STK32B: variants seen among roughly 807,000 people sequenced by gnomAD.
STK32B encodes serine/threonine kinase 32B, also known as serine/threonine-protein kinase 32B.
A neutral mutation model predicts 52.6 loss-of-function variants in STK32B; 43 were observed. That is an observed-to-expected ratio of 0.82 (90% CI 0.64 to 1.05). The LOEUF is 1.05. Ranked by LOEUF, STK32B falls within the 50% of genes least tolerant of loss-of-function variation. STK32B has a pLI of 0.00. For missense variants in STK32B, 621 were observed against 534.6 expected, an observed-to-expected ratio of 1.16 and a Z score of -1.59; for synonymous variants, 238 against 204.3, an observed-to-expected ratio of 1.17 and a Z score of -1.41.
chr4:5,051,600 T>G lies in STK32B; in HGVS notation c.-264T>G. On this transcript the variant is annotated 5_prime_UTR_variant, in exon 1 of 12. Coordinates refer to ENST00000282908, the MANE Select transcript of STK32B (RefSeq NM_018401.3). ...CCGGGTTCCCGGGCGGGCACTGGAG[T>G]AAGGAGCTGCGAGCGCAGCCCGAGG... 1 of 470,434 alleles carries G rather than the reference T, an allele frequency of 2.1e-6. No homozygotes were observed. The highest frequency in any genetic ancestry group is 3.7e-6 in the Non-Finnish European group (1 of 269,496). The allele number at this position is 470,434 out of a possible 1,614,324, so 29.1% of individuals were successfully genotyped here. A position where few individuals can be genotyped will look rare whatever the true frequency, so the allele number is the denominator to read the frequency against.
chr4:5,199,384 C>T (rs12505976), intron 3 of STK32B, among the ~76,000 whole-genome samples: 20,919 of 152,028 alleles, frequency 0.14, 2,704 homozygotes, highest in African/African-American at 0.33. Flanking sequence ...ATCTTTGTTG[C>T]TATGTGACCA....
chr4:5,410,598 G>A (rs1406082081), intron 5 of STK32B, among the ~76,000 whole-genome samples: 2 of 152,142 alleles, frequency 1.3e-5, no homozygotes, highest in Non-Finnish European at 2.9e-5. Flanking sequence ...GGTCTTGGAG[G>A]TCCCAGTAAG....
At chr4:5,210,336 T>G (rs1340883164) in intron 3 of STK32B, among the ~76,000 whole-genome samples, 1 of 151,992 alleles carries the variant, frequency 6.6e-6, no homozygotes, top group Non-Finnish European at 1.5e-5. Flanking sequence ...CCCTTCCCCA[T>G]CTCCTCGGGC....
the STK32B span, among the ~76,000 whole-genome samples, chr4:5,036,501 G>A: frequency 6.6e-6 from 1 of 152,070 alleles, no homozygotes; most frequent in African/African-American, 2.4e-5. Context: ...AGTCATCAAG[G>A]AGGCCTGAGA....
chr4:5,497,119 C>G (rs1181298987), intron 11 of STK32B, among the ~76,000 whole-genome samples: 1 of 152,114 alleles, frequency 6.6e-6, no homozygotes, highest in South Asian at 2.1e-4. Context: ...ATTTTATAGT[C>G]ATGGTATTTT....
chr4:5,368,775 C>T (rs777904377), intron 4 of STK32B, among the ~76,000 whole-genome samples: 1 of 152,226 alleles, frequency 6.6e-6, no homozygotes, highest in Non-Finnish European at 1.5e-5. Flanking sequence ...AAATCCACTG[C>T]TGGTGTCCTC....
At chr4:5,327,808 G>C (rs1731977059) in intron 3 of STK32B, among the ~76,000 whole-genome samples, 1 of 152,174 alleles carries the variant, frequency 6.6e-6, no homozygotes, top group Admixed American at 6.5e-5. Flanking sequence ...ACCCTTTGAA[G>C]CCAGGCATTG....
intron 2 of STK32B, among the ~76,000 whole-genome samples, chr4:5,151,510 C>T (rs1482743957): frequency 1.3e-5 from 2 of 152,224 alleles, no homozygotes; most frequent in African/African-American, 4.8e-5. Flanking sequence ...TGTGAATTCA[C>T]AGAAATCTTT....
intron 3 of STK32B, among the ~76,000 whole-genome samples, chr4:5,240,111 G>A (rs752455283): frequency 6.9e-6 from 1 of 144,354 alleles, no homozygotes; most frequent in African/African-American, 2.6e-5. Context: ...TTATCCTTGG[G>A]TTTGACATGT....
chr4:5,316,461 AATATATATTAC>A (rs1730765520), intron 3 of STK32B, among the ~76,000 whole-genome samples: 1 of 9,698 alleles, frequency 1.0e-4, no homozygotes, highest in Middle Eastern at 0.17. Flanking sequence ...TATAATATAT[AATATATATTAC>A]ATATATAATA....
chr4:5,029,483 A>C, the STK32B span, among the ~76,000 whole-genome samples: 1 of 152,182 alleles, frequency 6.6e-6, no homozygotes, highest in Non-Finnish European at 1.5e-5. Context: ...GGTGGCCCTC[A>C]GAAGTAGACA....
At chr4:5,292,490 GTTTT>G (rs1191633286) in intron 3 of STK32B, among the ~76,000 whole-genome samples, 3 of 151,334 alleles carry the variant, frequency 2.0e-5, no homozygotes, top group Non-Finnish European at 4.4e-5. Context: ...TAATGGGGCT[GTTTT>G]TTTTCTTGTT....
At chr4:5,474,303 G>A (rs1250555147) in intron 11 of STK32B, among the ~76,000 whole-genome samples, 1 of 152,150 alleles carries the variant, frequency 6.6e-6, no homozygotes, top group African/African-American at 2.4e-5. Context: ...TGATGGGCCT[G>A]GGTCAAGTCT....
At chr4:5,193,568 G>A (rs1162667346) in intron 3 of STK32B, among the ~76,000 whole-genome samples, 1 of 152,236 alleles carries the variant, frequency 6.6e-6, no homozygotes, top group Non-Finnish European at 1.5e-5. Flanking sequence ...TAACAGGTGT[G>A]CCAGTTGCTT....
chr4:5,412,792 C>A (rs1024780766), intron 5 of STK32B, among the ~76,000 whole-genome samples: 1 of 152,184 alleles, frequency 6.6e-6, no homozygotes, highest in Non-Finnish European at 1.5e-5. Context: ...GCATTTTCCC[C>A]CTCTTTATGA....
intron 11 of STK32B, among the ~76,000 whole-genome samples, chr4:5,491,767 G>A (rs1719755807): frequency 6.6e-6 from 1 of 151,690 alleles, no homozygotes; most frequent in African/African-American, 2.4e-5. Context: ...AAGGTGTAAG[G>A]AAGGGATCCA....
At chr4:5,045,240 C>T in the STK32B span, among the ~76,000 whole-genome samples, 2,006 of 152,364 alleles carry the variant, frequency 0.013, 24 homozygotes, top group Non-Finnish European at 0.022. Flanking sequence ...TTCATCTGCT[C>T]CATCTTCTGC....
chr4:5,425,595 GGA>G (rs1713025823), intron 6 of STK32B, among the ~76,000 whole-genome samples: 2 of 146,678 alleles, frequency 1.4e-5, no homozygotes, highest in South Asian at 2.2e-4. Flanking sequence ...TGTTTGTGAG[GGA>G]GACAGTCAGT....
At chr4:5,160,540 G>A (rs186376684) in intron 2 of STK32B, among the ~76,000 whole-genome samples, 40 of 152,028 alleles carry the variant, frequency 2.6e-4, no homozygotes, top group African/African-American at 8.2e-4. Flanking sequence ...TACCTTTTCC[G>A]GATTGCCTTT....
Sources: allele counts gnomAD v4.1 joint callset (sites outside exome capture counted in the v4.1 genomes callset), GRCh38; gene constraint gnomAD v4.1.1; transcripts MANE v1.5; gene names NCBI Gene and HGNC (gene_info 2026-07-23, HGNC 2026-07-21).